MR1: variants seen among roughly 807,000 people sequenced by gnomAD.
MR1 encodes the protein major histocompatibility complex class I-related protein 1.
MR1 carries 44 observed loss-of-function variants against 37.8 expected under a neutral mutation model. The observed-to-expected ratio is 1.16, with a 90% CI of 0.91 to 1.50. The LOEUF (loss-of-function observed/expected upper bound fraction) is 1.50, where lower values mean the gene tolerates loss of function less well. MR1 is among the 40% of genes most tolerant of loss of function. MR1 has a pLI of 0.00. For synonymous variants in MR1, 153 were observed against 155.8 expected, an observed-to-expected ratio of 0.98 and a Z score of 0.13; for missense variants, 386 against 419.1, an observed-to-expected ratio of 0.92 and a Z score of 0.69.
In MR1 at chr1:181,056,417, G is replaced by C. The variant is rs998696026; in HGVS notation, c.*1152G>C. 2 of 150,658 alleles carry C rather than the reference G, an allele frequency of 1.3e-5. No homozygotes were observed. Among genetic ancestry groups the C allele is most frequent in the African/African-American group, 4.9e-5 (2 of 41,068 alleles). 9.3% of individuals were successfully genotyped at this position (150,658 alleles called of 1,614,324 possible). ...AATAATAATAATAACAGTATATTTGGTGTCAGGAGAGGGCTCAATTCTCAT... is the reference window on the plus strand; with the variant it reads ...AATAATAATAATAACAGTATATTTGCTGTCAGGAGAGGGCTCAATTCTCAT... On this transcript the variant is annotated 3_prime_UTR_variant, in exon 6 of 6. Transcript: ENST00000367580.
intron 1 of MR1, among the ~76,000 whole-genome samples, chr1:181,046,583 T>C (rs988416872): frequency 1.3e-5 from 2 of 152,104 alleles, no homozygotes; most frequent in Non-Finnish European, 2.9e-5. Context: ...AACAGACCAC[T>C]GGGCTCTACC....
chr1:181,034,798 C>G (rs1016992362), intron 1 of MR1, among the ~76,000 whole-genome samples: 6 of 152,120 alleles, frequency 3.9e-5, no homozygotes, highest in Admixed American at 1.3e-4. Flanking sequence ...GGAAGGAGTT[C>G]TTTCAAATCA....
intron 1 of MR1, among the ~76,000 whole-genome samples, chr1:181,048,043 C>T (rs1658008777): frequency 1.3e-5 from 2 of 150,278 alleles, no homozygotes; most frequent in African/African-American, 2.5e-5. Context: ...TGGTGAAACC[C>T]TGTCTCTACT....
chr1:181,048,890 C>T lies in MR1; in HGVS notation c.68-162C>T, dbSNP rs150946490. ...GAGCTCTTACGTCCTGTCCAGGCCC[C>T]GGTTCCTGGGTTCTGTGGTTCTGTA... On this transcript the variant is annotated intron_variant, in intron 1 of 5. Coordinates refer to ENST00000367580, the MANE Select transcript of MR1 (RefSeq NM_001385161.1). Among the ~76,000 whole-genome samples, 729 of 152,304 alleles carry T rather than the reference C, an allele frequency of 4.8e-3. 8 individuals carry two copies. The highest frequency in any genetic ancestry group is 5.6e-3 in the Admixed American group (85 of 15,302).
intron 3 of MR1, chr1:181,051,201 C>T (rs1393213165): frequency 2.0e-5 from 3 of 150,956 alleles, no homozygotes; most frequent in Non-Finnish European, 4.4e-5. Flanking sequence ...CCTCTGTCTA[C>T]ATTCAGTGTC....
intron 1 of MR1, among the ~76,000 whole-genome samples, chr1:181,042,757 A>T (rs1167963594): frequency 6.6e-6 from 1 of 152,090 alleles, no homozygotes; most frequent in East Asian, 2.0e-4. Flanking sequence ...CAGTGAGCCG[A>T]GATCACGCCA....
At chr1:181,044,744 G>A (rs1019676878) in intron 1 of MR1, among the ~76,000 whole-genome samples, 8 of 152,360 alleles carry the variant, frequency 5.3e-5, no homozygotes, top group African/African-American at 1.7e-4. Context: ...GGCCTTGCTA[G>A]GCCTGAGGGG....
At chr1:181,038,105 A>G (rs2102361262) in intron 1 of MR1, among the ~76,000 whole-genome samples, 1 of 152,270 alleles carries the variant, frequency 6.6e-6, no homozygotes, top group South Asian at 2.1e-4. Context: ...TCATGTGTTC[A>G]TTGCTCTGTT....
intron 1 of MR1, among the ~76,000 whole-genome samples, chr1:181,039,830 C>T (rs1258984415): frequency 1.4e-5 from 2 of 144,418 alleles, no homozygotes; most frequent in Non-Finnish European, 3.0e-5. Context: ...CATGCCACTG[C>T]ACTCCAGCCT....
chr1:181,050,978 TA>T (rs79424229), intron 3 of MR1: 13,294 of 142,890 alleles, frequency 0.093, 576 homozygotes, highest in African/African-American at 0.12. Flanking sequence ...AGACCCTATT[TA>T]AAAAAAAAAA....
rs1445132062 is a variant in MR1 at position 181,055,240 on chromosome 1, T to C, written c.1001T>C (p.Ile334Thr). The C allele has an allele frequency of 1.2e-6, 2 of 1,613,780 alleles. No homozygotes were observed. Among genetic ancestry groups the C allele is most frequent in the South Asian group, 2.2e-5 (2 of 91,084 alleles). Reference sequence around the variant, plus strand: ...TTCCTTTCAGAGCAAAATGGAGCCATCTACCTTCCAACACCAGATCGATGA... The same window carrying C: ...TTCCTTTCAGAGCAAAATGGAGCCACCTACCTTCCAACACCAGATCGATGA... ...RRRPREQNGA[I>T]YLPTPDR The change falls in exon 6 of 6, where the codon ATC (isoleucine) becomes ACC (threonine). Residue 334 changes from isoleucine to threonine, a missense_variant. By Grantham distance (89) the Ile-to-Thr change is moderately conservative (BLOSUM62 -1). Transcript: ENST00000367580.
In MR1 at chr1:181,058,499, C is replaced by T. The variant is rs566383789; in HGVS notation, c.*3234C>T. 8 of 152,330 alleles carry T rather than the reference C, an allele frequency of 5.3e-5. 1 individual carries two copies. In the South Asian group the frequency reaches 1.7e-3, roughly 32 times the overall value. The allele number at this position is 152,330 out of a possible 1,614,324, so 9.4% of individuals were successfully genotyped here. On this transcript the variant is annotated 3_prime_UTR_variant, in exon 6 of 6. Coordinates refer to ENST00000367580, the MANE Select transcript of MR1 (RefSeq NM_001385161.1). Reference sequence around the variant, plus strand: ...TCCAACAAGACTCCATCGAGAGTTTCTGAGCTCTCCCATCAGGGGCCAGTC... The same window carrying T: ...TCCAACAAGACTCCATCGAGAGTTTTTGAGCTCTCCCATCAGGGGCCAGTC...
chr1:181,036,500 C>T (rs758948690), intron 1 of MR1, among the ~76,000 whole-genome samples: 19 of 152,158 alleles, frequency 1.2e-4, no homozygotes, highest in Admixed American at 4.6e-4. Context: ...CTAGTGCTAG[C>T]CCTGAGTGGG....
chr1:181,049,607 A>G lies in MR1; in HGVS notation c.328+295A>G, dbSNP rs1658172230. 7.9e-6 allele frequency: 4 copies of G among 504,816 alleles called. No homozygotes were observed. The Admixed American group carries it at 1.4e-4, about 18-fold the overall frequency. 31.3% of individuals were successfully genotyped at this position (504,816 alleles called of 1,614,324 possible). A position where few individuals can be genotyped will look rare whatever the true frequency, so the allele number is the denominator to read the frequency against. Reference sequence around the variant, plus strand: ...GATATGCATCTCCTTTTCCATTCTAAATTTGCCCATTCTGCGTCTCACTTC... The same window carrying G: ...GATATGCATCTCCTTTTCCATTCTAGATTTGCCCATTCTGCGTCTCACTTC... On this transcript the variant is annotated intron_variant, in intron 2 of 5. Coordinates refer to ENST00000367580, the MANE Select transcript of MR1 (RefSeq NM_001385161.1).
chr1:181,046,511 G>A (rs1375254353), intron 1 of MR1, among the ~76,000 whole-genome samples: 2 of 152,138 alleles, frequency 1.3e-5, no homozygotes, highest in Non-Finnish European at 2.9e-5. Context: ...ATCTGGTGGG[G>A]ACGTGGAGAA....
intron 1 of MR1, among the ~76,000 whole-genome samples, chr1:181,034,529 C>T (rs563157961): frequency 1.3e-5 from 2 of 152,196 alleles, no homozygotes; most frequent in South Asian, 4.2e-4. Context: ...AAAGATAAAA[C>T]CATGGCTCTG....
At position 181,061,530 on chromosome 1, in the gene MR1, C is replaced by T. The variant is rs531781104; in HGVS notation, c.*6265C>T. On this transcript the variant is annotated 3_prime_UTR_variant, in exon 6 of 6. Coordinates refer to ENST00000367580, the MANE Select transcript of MR1 (RefSeq NM_001385161.1). ...AGTGATGGTGGAAAAAAAAACAAGT[C>T]AATTCATTTAGACTGGTAGAACCAG... 3.9e-5 allele frequency: 6 copies of T among 152,262 alleles called. No homozygotes were observed. Among genetic ancestry groups the T allele is most frequent in the Admixed American group, 1.3e-4 (2 of 15,286 alleles). The allele number at this position is 152,262 out of a possible 1,614,324, so 9.4% of individuals were successfully genotyped here.
At chr1:181,033,911 C>A, upstream of MR1, 1 of 950,780 alleles carries the variant, frequency 1.1e-6, no homozygotes, top group Non-Finnish European at 1.6e-6. Flanking sequence ...GCATATCTTC[C>A]CCTGTTCTTA....
rs1657417832 is a variant in MR1 at position 181,038,964 on chromosome 1, C to G, written c.67+4890C>G. On this transcript the variant is annotated intron_variant, in intron 1 of 5. Coordinates refer to ENST00000367580, the MANE Select transcript of MR1 (RefSeq NM_001385161.1). ...GATTACAGGCATGCGCCACCACACC[C>G]AGCTAATTTTTTGCATTTTTAGTAG... 2.0e-5 allele frequency among the ~76,000 whole-genome samples: 3 copies of G among 152,204 alleles called. No individual in the cohort carries two copies. The South Asian group carries it at 6.2e-4, about 32-fold the overall frequency.
Sources: gnomAD v4.1 joint callset for allele counts (sites outside exome capture counted in the v4.1 genomes callset) on GRCh38, gnomAD v4.1.1 for gene constraint, MANE v1.5 for transcripts, NCBI Gene and HGNC (gene_info 2026-07-23, HGNC 2026-07-21) for gene names.